Variants in PKNOX2 observed in about 807,000 individuals in gnomAD.
PKNOX2 encodes the protein PBX/knotted 1 homeobox 2.
A neutral mutation model predicts 53.1 loss-of-function variants in PKNOX2; 14 were observed. The observed-to-expected ratio is 0.26, with a 90% confidence interval of 0.17 to 0.41. The LOEUF is 0.41. Among genes scored for constraint, PKNOX2 ranks in the 10% least tolerant of loss-of-function variants. The probability of loss-of-function intolerance (pLI) is 1.00; values close to 1 mark genes in which losing one functional copy is unlikely to be tolerated. For missense variants in PKNOX2, 496 were observed against 602.8 expected, an observed-to-expected ratio of 0.82 and a Z score of 1.85; for synonymous variants, 257 against 242.8, an observed-to-expected ratio of 1.06 and a Z score of -0.54.
At chr11:125,302,298 G>A (rs1948133018) in intron 2 of PKNOX2, among the ~76,000 whole-genome samples, 1 of 152,196 alleles carries the variant, frequency 6.6e-6, no homozygotes, top group Non-Finnish European at 1.5e-5. Flanking sequence ...GGAGAGGACA[G>A]GAGCTTCCTC....
At chr11:125,376,983 A>G (rs1055180310) in intron 5 of PKNOX2, among the ~76,000 whole-genome samples, 4 of 152,206 alleles carry the variant, frequency 2.6e-5, no homozygotes, top group Admixed American at 1.3e-4. Context: ...CTGGGCCTCT[A>G]TTTGAATTGG....
chr11:125,373,499 G>T (rs1432779793), intron 5 of PKNOX2, among the ~76,000 whole-genome samples: 1 of 152,206 alleles, frequency 6.6e-6, no homozygotes, highest in African/African-American at 2.4e-5. Context: ...CATCTAGATT[G>T]TCATGAGGTT....
chr11:125,329,996 C>T (rs2136103362), intron 2 of PKNOX2, among the ~76,000 whole-genome samples: 1 of 152,292 alleles, frequency 6.6e-6, no homozygotes, highest in Non-Finnish European at 1.5e-5. Context: ...GTCGGCAGTG[C>T]CTGGCATGGA....
At chr11:125,351,508 A>T in intron 4 of PKNOX2, 116 bp downstream of exon 4, 2 of 678,144 alleles carry the variant, frequency 2.9e-6, no homozygotes, top group Admixed American at 5.0e-5. Context: ...GGCCTCCCGC[A>T]ATCACGTCCT....
chr11:125,224,491 G>C (rs1046154736), intron 1 of PKNOX2, among the ~76,000 whole-genome samples: 1 of 152,216 alleles, frequency 6.6e-6, no homozygotes, highest in African/African-American at 2.4e-5. Flanking sequence ...CTGGGAGGCC[G>C]AGGCCTGTGC....
At chr11:125,368,099 G>A in intron 5 of PKNOX2, 114 bp downstream of exon 5, 1 of 1,329,930 alleles carries the variant, frequency 7.5e-7, no homozygotes, top group Non-Finnish European at 1.0e-6. Context: ...ACGGCCAATA[G>A]CTATTCTCCC....
chr11:125,410,068 G>A, intron 7 of PKNOX2, 128 bp from the exon 8 acceptor site: 3 of 1,290,368 alleles, frequency 2.3e-6, no homozygotes, highest in Non-Finnish European at 3.2e-6. Flanking sequence ...TCTGGACCTG[G>A]GTCTGGGGAG....
chr11:125,199,098 C>G (rs1009913969), intron 1 of PKNOX2, among the ~76,000 whole-genome samples: 7 of 152,214 alleles, frequency 4.6e-5, no homozygotes, highest in African/African-American at 1.7e-4. Context: ...TCCTCGGCCT[C>G]CCAAAGTGCT....
At chr11:125,206,444 T>C (rs758443146) in intron 1 of PKNOX2, among the ~76,000 whole-genome samples, 1 of 152,114 alleles carries the variant, frequency 6.6e-6, no homozygotes, top group African/African-American at 2.4e-5. Flanking sequence ...GTCAGGATTC[T>C]GGTCCAAGGA....
chr11:125,340,808 T>C (rs1950643042), intron 3 of PKNOX2, among the ~76,000 whole-genome samples: 1 of 152,050 alleles, frequency 6.6e-6, no homozygotes, highest in African/African-American at 2.4e-5. Flanking sequence ...TCCCAGCACT[T>C]TGGGAGGCCG....
intron 1 of PKNOX2, among the ~76,000 whole-genome samples, chr11:125,194,009 G>C (rs935401570): frequency 2.0e-5 from 3 of 152,224 alleles, no homozygotes; most frequent in Non-Finnish European, 2.9e-5. Flanking sequence ...CGAAGGGCTG[G>C]TTGGGAGCTA....
At chr11:125,205,727 T>A (rs1186380854) in intron 1 of PKNOX2, among the ~76,000 whole-genome samples, 1 of 151,938 alleles carries the variant, frequency 6.6e-6, no homozygotes, top group East Asian at 1.9e-4. Context: ...TTCCCCAGAC[T>A]GTGTTAAATT....
Position 125,189,247 on chromosome 11 carries a change from T to C in PKNOX2, c.-201+24471T>C, listed in dbSNP as rs374830320. Among the ~76,000 whole-genome samples, 17 of 151,080 alleles carry C rather than the reference T, an allele frequency of 1.1e-4. No homozygotes were observed. The East Asian group carries it at 1.6e-3, about 14-fold the overall frequency. Reference sequence around the variant, plus strand: ...CTGGCCATTTGGTGCCACATTTATGTTTTCAGCCCACATTGGAGTTATCGG... The same window carrying C: ...CTGGCCATTTGGTGCCACATTTATGCTTTCAGCCCACATTGGAGTTATCGG... On this transcript the variant is annotated intron_variant, in intron 1 of 12. Transcript: ENST00000298282.
chr11:125,217,184 G>C (rs1940630420), intron 1 of PKNOX2, among the ~76,000 whole-genome samples: 1 of 152,066 alleles, frequency 6.6e-6, no homozygotes, highest in Non-Finnish European at 1.5e-5. Flanking sequence ...TGATATGAGA[G>C]AAGCCTTTTC....
intron 5 of PKNOX2, among the ~76,000 whole-genome samples, chr11:125,377,200 GTGT>G (rs1952894393): frequency 1.3e-5 from 2 of 152,220 alleles, no homozygotes; most frequent in Non-Finnish European, 2.9e-5. Context: ...TGCATGGGAG[GTGT>G]TGTCCTTAAT....
At chr11:125,384,430 A>T (rs1481629433) in intron 5 of PKNOX2, among the ~76,000 whole-genome samples, 2 of 152,204 alleles carry the variant, frequency 1.3e-5, no homozygotes, top group Non-Finnish European at 2.9e-5. Context: ...TCACGCCTGT[A>T]ATCTCAGCAC....
At chr11:125,328,043 C>A (rs1325079996) in intron 2 of PKNOX2, among the ~76,000 whole-genome samples, 3 of 152,162 alleles carry the variant, frequency 2.0e-5, no homozygotes, top group Non-Finnish European at 4.4e-5. Flanking sequence ...TCAGCTAGAG[C>A]AGAAAGACAA....
intron 1 of PKNOX2, among the ~76,000 whole-genome samples, chr11:125,218,197 C>A (rs563950914): frequency 6.6e-6 from 1 of 152,192 alleles, no homozygotes; most frequent in East Asian, 1.9e-4. Context: ...AAGGGGGGCG[C>A]TCCGTTCAGG....
chr11:125,415,177 C>A (rs1955803786), intron 10 of PKNOX2, among the ~76,000 whole-genome samples: 1 of 150,736 alleles, frequency 6.6e-6, no homozygotes, highest in Non-Finnish European at 1.5e-5. Flanking sequence ...TCTTGCACCC[C>A]AAAAGAGGTT....
Sources: gnomAD v4.1 joint callset for allele counts (sites outside exome capture counted in the v4.1 genomes callset) on GRCh38, gnomAD v4.1.1 for gene constraint, MANE v1.5 for transcripts, NCBI Gene and HGNC (gene_info 2026-07-23, HGNC 2026-07-21) for gene names.